The following FBXW8 variants were observed in gnomAD, a reference collection of about 807,000 sequenced individuals.
FBXW8 encodes F-box and WD repeat domain containing 8.
A neutral mutation model predicts 65.3 loss-of-function variants in FBXW8; 57 were observed. That is an observed-to-expected ratio of 0.87 (90% CI 0.71 to 1.09). The LOEUF (loss-of-function observed/expected upper bound fraction) is 1.09, where lower values mean the gene tolerates loss of function less well. Among genes scored for constraint, FBXW8 ranks in the 50% least tolerant of loss-of-function variants. The probability of loss-of-function intolerance (pLI) is 0.00; values close to 1 mark genes in which losing one functional copy is unlikely to be tolerated. For synonymous variants in FBXW8, 308 were observed against 330.2 expected (o/e 0.93, Z 0.73); for missense variants, 777 against 814.8 (o/e 0.95, Z 0.57).
rs1483729624 is a variant in FBXW8 at position 117,024,318 on chromosome 12, C to T, written c.1539C>T (p.Ser513=). 18 of 1,613,938 alleles carry T rather than the reference C, an allele frequency of 1.1e-5. No individual in the cohort carries two copies. Among genetic ancestry groups the T allele is most frequent in the Admixed American group, 3.3e-5 (2 of 59,996 alleles). Reference sequence around the variant, plus strand: ...ACCAGAAGCTGTGGGAGGTGTATTCCGGGTAAGGTGCATTCTAGACACTCT... The same window carrying T: ...ACCAGAAGCTGTGGGAGGTGTATTCTGGGTAAGGTGCATTCTAGACACTCT... ...RMNQKLWEVY[S]GHPVQHISFS... is the part of the protein sequence containing the mutation. Residue 513 remains serine, a splice_region_variant and synonymous_variant, in exon 9 of 11, where the codon TCC becomes TCT. Coordinates refer to ENST00000652555, the MANE Select transcript of FBXW8 (RefSeq NM_153348.3).
chr12:117,003,538 T>C lies in FBXW8; in HGVS notation c.1240-6785T>C, dbSNP rs116828287. Reference sequence around the variant, plus strand: ...TTTATGCTCATTACTTGAATCTTTGTTGACTATTTCTTCCAGCACCTCAGA... The same window carrying C: ...TTTATGCTCATTACTTGAATCTTTGCTGACTATTTCTTCCAGCACCTCAGA... On this transcript the variant is annotated intron_variant, in intron 7 of 10. Transcript: ENST00000652555. Among the ~76,000 whole-genome samples the C allele has an allele frequency of 5.4e-3, 825 of 152,374 alleles. 9 individuals carry two copies. The highest frequency in any genetic ancestry group is 0.019 in the African/African-American group (794 of 41,584).
intron 4 of FBXW8, among the ~76,000 whole-genome samples, chr12:116,955,040 G>A (rs559202351): frequency 1.3e-5 from 2 of 151,278 alleles, no homozygotes; most frequent in Admixed American, 1.3e-4. Context: ...TTGAAATGGG[G>A]GGGGGGGGCC....
At chr12:117,022,839 CT>C (rs1954132645) in intron 8 of FBXW8, among the ~76,000 whole-genome samples, 1 of 152,194 alleles carries the variant, frequency 6.6e-6, no homozygotes, top group Non-Finnish European at 1.5e-5. Flanking sequence ...TTTCATCCTC[CT>C]TTACAGATGT....
chr12:116,992,761 G>GGTGTGTGTGTGTGT lies in FBXW8; in HGVS notation c.1239+3915_1239+3928dup, dbSNP rs59119067. Among the ~76,000 whole-genome samples, 839 of 143,632 alleles carry GGTGTGTGTGTGTGT rather than the reference G, an allele frequency of 5.8e-3. 3 individuals carry two copies. Among genetic ancestry groups the GGTGTGTGTGTGTGT allele is most frequent in the Non-Finnish European group, 9.8e-3 (650 of 66,022 alleles). 94.2% of individuals were successfully genotyped at this position (143,632 alleles called of 152,430 possible). ...TTTTTATGGTTGAGTATTATTCCAT[G>GGTGTGTGTGTGTGT]GTGTGTGTGTGTGTGTGTGTGTGTG... On this transcript the variant is annotated intron_variant, in intron 7 of 10. Coordinates refer to ENST00000652555, the MANE Select transcript of FBXW8 (RefSeq NM_153348.3).
chr12:116,989,093 G>T (rs1953173712), intron 7 of FBXW8, among the ~76,000 whole-genome samples: 1 of 152,082 alleles, frequency 6.6e-6, no homozygotes, highest in Non-Finnish European at 1.5e-5. Context: ...ACTATTAACA[G>T]TTTTTAGGTA....
chr12:116,934,405 T>C (rs1367436021), intron 2 of FBXW8, among the ~76,000 whole-genome samples: 4 of 152,128 alleles, frequency 2.6e-5, no homozygotes, highest in Non-Finnish European at 4.4e-5. Flanking sequence ...TTGAACAGGT[T>C]TGTAATCTTG....
intron 4 of FBXW8, among the ~76,000 whole-genome samples, chr12:116,960,145 T>C (rs1192134648): frequency 1.3e-5 from 2 of 152,250 alleles, no homozygotes; most frequent in African/African-American, 2.4e-5. Flanking sequence ...CCATTCGTTA[T>C]CTGTTCTTGC....
intron 4 of FBXW8, among the ~76,000 whole-genome samples, chr12:116,955,040 G>GGT: frequency 1.3e-5 from 2 of 151,394 alleles, no homozygotes; most frequent in African/African-American, 4.8e-5. Flanking sequence ...TTGAAATGGG[G>GGT]GGGGGGGGCC....
chr12:117,018,518 T>C (rs1021484805), intron 8 of FBXW8, among the ~76,000 whole-genome samples: 1 of 152,234 alleles, frequency 6.6e-6, no homozygotes, highest in African/African-American at 2.4e-5. Flanking sequence ...CTGTCAGATG[T>C]CCGAGGCAGA....
intron 4 of FBXW8, among the ~76,000 whole-genome samples, chr12:116,955,793 C>T (rs1883604896): frequency 6.6e-6 from 1 of 152,100 alleles, no homozygotes. Flanking sequence ...AATCAGATGA[C>T]ATCATGAGTT....
At chr12:116,998,324 A>G (rs962864889) in intron 7 of FBXW8, among the ~76,000 whole-genome samples, 1 of 152,222 alleles carries the variant, frequency 6.6e-6, no homozygotes, top group African/African-American at 2.4e-5. Context: ...CTGTATGCCA[A>G]TAACATCTGT....
chr12:116,923,714 A>AT (rs1241086610), intron 1 of FBXW8, among the ~76,000 whole-genome samples: 3 of 137,706 alleles, frequency 2.2e-5, no homozygotes, highest in Non-Finnish European at 3.1e-5. Flanking sequence ...TAATTAATTA[A>AT]TTAATTTATT....
chr12:116,988,604 A>G, intron 6 of FBXW8, 59 bp from the exon 7 acceptor site: 11 of 1,490,340 alleles, frequency 7.4e-6, no homozygotes, highest in Non-Finnish European at 1.0e-5. Flanking sequence ...GTGGAATTGC[A>G]TATTTTTGAT....
In FBXW8 at chr12:117,025,354, G is replaced by A. The variant is rs183179950; in HGVS notation, c.1541+1034G>A. Among the ~76,000 whole-genome samples the A allele has an allele frequency of 5.4e-4, 83 of 152,344 alleles. No individual in the cohort carries two copies. In the East Asian group the frequency reaches 0.011, roughly 20 times the overall value. On this transcript the variant is annotated intron_variant, in intron 9 of 10. Coordinates refer to ENST00000652555, the MANE Select transcript of FBXW8 (RefSeq NM_153348.3). Reference sequence around the variant, plus strand: ...ATCTCTACAAAACCGAGATGATTCTGGGCCAGTGGCCTCTGAGCATGACAA... The same window carrying A: ...ATCTCTACAAAACCGAGATGATTCTAGGCCAGTGGCCTCTGAGCATGACAA...
intron 9 of FBXW8, among the ~76,000 whole-genome samples, chr12:117,026,907 G>A (rs1180943477): frequency 1.3e-5 from 2 of 152,134 alleles, no homozygotes; most frequent in Admixed American, 6.5e-5. Flanking sequence ...TTTTCCGAAC[G>A]TGCTTTCACC....
chr12:117,011,661 C>T (rs1349103305), intron 8 of FBXW8, among the ~76,000 whole-genome samples: 2 of 152,132 alleles, frequency 1.3e-5, no homozygotes, highest in Admixed American at 6.5e-5. Flanking sequence ...CTCCAAGCTC[C>T]TCTCCTAGGA....
intron 8 of FBXW8, among the ~76,000 whole-genome samples, chr12:117,011,879 T>C (rs1226903962): frequency 6.6e-6 from 1 of 152,204 alleles, no homozygotes; most frequent in Admixed American, 6.5e-5. Context: ...AAAAAAATTC[T>C]ACAAAGTTCC....
intron 4 of FBXW8, among the ~76,000 whole-genome samples, chr12:116,951,680 C>G (rs1245640726): frequency 6.6e-6 from 1 of 152,154 alleles, no homozygotes; most frequent in Non-Finnish European, 1.5e-5. Flanking sequence ...TTCTTCTCAC[C>G]TTTTCAGCTC....
At chr12:116,964,878 C>T in intron 5 of FBXW8, 24 bp downstream of exon 5, 1 of 1,548,022 alleles carries the variant, frequency 6.5e-7, no homozygotes, top group Non-Finnish European at 8.7e-7. Context: ...ACCCTCCTCC[C>T]TATTAAGGAA....
Sources: gnomAD v4.1 joint callset for allele counts (sites outside exome capture counted in the v4.1 genomes callset) on GRCh38, gnomAD v4.1.1 for gene constraint, MANE v1.5 for transcripts, NCBI Gene and HGNC (gene_info 2026-07-23, HGNC 2026-07-21) for gene names.